Variants in ACSS3 observed in about 807,000 individuals in gnomAD.
The protein encoded by ACSS3 is acyl-CoA synthetase short chain family member 3, also known as acyl-CoA synthetase short-chain family member 3, mitochondrial.
In ACSS3, 64 loss-of-function variants were observed where a neutral mutation model predicts 84.2. That is an observed-to-expected ratio of 0.76 (90% CI 0.62 to 0.94). ACSS3 has a LOEUF of 0.94. Ranked by LOEUF, ACSS3 falls within the 40% of genes least tolerant of loss-of-function variation. ACSS3 has a pLI of 0.00. For synonymous variants in ACSS3, 317 were observed against 310.1 expected (o/e 1.02, Z -0.23); for missense variants, 815 against 867.6 (o/e 0.94, Z 0.76).
chr12:81,248,251 A>AC (rs902195939), intron 13 of ACSS3, among the ~76,000 whole-genome samples: 33 of 152,202 alleles, frequency 2.2e-4, no homozygotes, highest in African/African-American at 7.0e-4. Context: ...GGCTACATTT[A>AC]CCCCCATGTT....
chr12:81,228,136 G>A (rs961054980), intron 11 of ACSS3, among the ~76,000 whole-genome samples: 1 of 151,780 alleles, frequency 6.6e-6, no homozygotes, highest in Non-Finnish European at 1.5e-5. Context: ...TTTTAGGTTG[G>A]GCTTTTCATT....
At chr12:81,114,983 C>G (rs549421604) in intron 2 of ACSS3, among the ~76,000 whole-genome samples, 2 of 152,094 alleles carry the variant, frequency 1.3e-5, no homozygotes, top group Non-Finnish European at 2.9e-5. Context: ...GAACTTTATA[C>G]AAATTGAGTA....
intron 10 of ACSS3, among the ~76,000 whole-genome samples, chr12:81,217,479 C>A (rs2032963262): frequency 6.6e-6 from 1 of 152,160 alleles, no homozygotes; most frequent in African/African-American, 2.4e-5. Flanking sequence ...GCTGCAGTTT[C>A]TTACTGTATA....
chr12:81,254,717 C>T, intron 15 of ACSS3, 140 bp from the exon 16 acceptor site: 1 of 604,330 alleles, frequency 1.7e-6, no homozygotes, highest in Non-Finnish European at 2.7e-6. Context: ...ATATTAGGTT[C>T]AAAGTTCCCT....
chr12:81,142,208 A>G (rs1886126867), intron 4 of ACSS3, among the ~76,000 whole-genome samples: 1 of 152,194 alleles, frequency 6.6e-6, no homozygotes, highest in Admixed American at 6.5e-5. Flanking sequence ...ATTGAGTGTT[A>G]TATAACTTTG....
intron 9 of ACSS3, among the ~76,000 whole-genome samples, chr12:81,202,343 A>T (rs1358676454): frequency 6.6e-6 from 1 of 152,038 alleles, no homozygotes; most frequent in East Asian, 1.9e-4. Context: ...ATTCTTTCCT[A>T]AGGTGCTATC....
At chr12:81,200,184 G>A (rs2032036640) in intron 9 of ACSS3, among the ~76,000 whole-genome samples, 1 of 152,098 alleles carries the variant, frequency 6.6e-6, no homozygotes, top group Non-Finnish European at 1.5e-5. Context: ...TTTGAGGGAT[G>A]GCTATATATA....
Position 81,253,685 on chromosome 12 carries a change from A to T in ACSS3, c.1995+15A>T. 1.2e-6 allele frequency: 2 copies of T among 1,603,240 alleles called. No individual in the cohort carries two copies. The highest frequency in any genetic ancestry group is 1.7e-6 in the Non-Finnish European group (2 of 1,172,002). ...AGCCATACAAGGTAAATTATCAAAG[A>T]TATTTATTCCTGGGTTCTAAGATAT... On this transcript the variant is annotated intron_variant, in intron 15 of 15. Coordinates refer to ENST00000548058, the MANE Select transcript of ACSS3 (RefSeq NM_024560.4).
chr12:81,152,749 T>C (rs1007975167), intron 7 of ACSS3, among the ~76,000 whole-genome samples: 4 of 152,150 alleles, frequency 2.6e-5, no homozygotes, highest in African/African-American at 9.7e-5. Context: ...ATAACTAATA[T>C]GGTAGTTTGC....
rs1222966624 is a variant in ACSS3, at chr12:81,257,603, A to G, written c.*2681A>G. 1 of 152,108 alleles carries G rather than the reference A, an allele frequency of 6.6e-6. No homozygotes were observed. Among genetic ancestry groups the G allele is most frequent in the Non-Finnish European group, 1.5e-5 (1 of 68,012 alleles). 9.4% of individuals were successfully genotyped at this position (152,108 alleles called of 1,614,324 possible). ...GTTATAGTATTTTCCAATTCATTGA[A>G]TTACTTTGCTTGTGAAAATATATTA... On this transcript the variant is annotated 3_prime_UTR_variant, in exon 16 of 16. Coordinates refer to ENST00000548058, the MANE Select transcript of ACSS3 (RefSeq NM_024560.4).
At chr12:81,253,160 T>C in intron 13 of ACSS3, 147 bp from the exon 14 acceptor site, 1 of 731,700 alleles carries the variant, frequency 1.4e-6, no homozygotes, top group Non-Finnish European at 2.3e-6. Flanking sequence ...TAGGCAGCCA[T>C]GGATTTTTGG....
At chr12:81,171,911 G>T (rs1399195740) in intron 7 of ACSS3, among the ~76,000 whole-genome samples, 1 of 152,084 alleles carries the variant, frequency 6.6e-6, no homozygotes, top group Non-Finnish European at 1.5e-5. Flanking sequence ...ACATGTTATT[G>T]TGTTGAATAC....
At chr12:81,253,057 T>C (rs917253518) in intron 13 of ACSS3, among the ~76,000 whole-genome samples, 1 of 152,184 alleles carries the variant, frequency 6.6e-6, no homozygotes, top group Non-Finnish European at 1.5e-5. Flanking sequence ...GCTGAGCAAT[T>C]TATCTTAATT....
intron 5 of ACSS3, among the ~76,000 whole-genome samples, chr12:81,148,994 C>G (rs1489221731): frequency 1.3e-5 from 2 of 150,708 alleles, no homozygotes; most frequent in Non-Finnish European, 1.5e-5. Context: ...GCAGGAGAAT[C>G]GCTTGAACCT....
chr12:81,120,679 G>C (rs1884512483), intron 2 of ACSS3, among the ~76,000 whole-genome samples: 2 of 152,028 alleles, frequency 1.3e-5, no homozygotes, highest in South Asian at 4.2e-4. Flanking sequence ...TAATTCATTT[G>C]GAAGTTTTAT....
intron 13 of ACSS3, among the ~76,000 whole-genome samples, chr12:81,246,378 G>A (rs1226152908): frequency 6.6e-6 from 1 of 152,060 alleles, no homozygotes; most frequent in Non-Finnish European, 1.5e-5. Flanking sequence ...TGTTTTCCTG[G>A]GCCTCTGACC....
intron 2 of ACSS3, among the ~76,000 whole-genome samples, chr12:81,110,851 T>C (rs1384902786): frequency 6.6e-6 from 1 of 152,206 alleles, no homozygotes; most frequent in East Asian, 1.9e-4. Context: ...GCTTTTAAGA[T>C]TGTATTCTCT....
chr12:81,123,508 A>T (rs2400871), intron 2 of ACSS3, among the ~76,000 whole-genome samples: 1 of 151,884 alleles, frequency 6.6e-6, no homozygotes, highest in Non-Finnish European at 1.5e-5. Flanking sequence ...TTTTAGGTTT[A>T]GGGGGTACAT....
intron 13 of ACSS3, among the ~76,000 whole-genome samples, chr12:81,242,341 G>A (rs2033834806): frequency 6.6e-6 from 1 of 152,058 alleles, no homozygotes; most frequent in Admixed American, 6.6e-5. Context: ...ACCAATAACA[G>A]GAGCTGAAAT....
Sources: allele counts gnomAD v4.1 joint callset (sites outside exome capture counted in the v4.1 genomes callset), GRCh38; gene constraint gnomAD v4.1.1; transcripts MANE v1.5; gene names NCBI Gene and HGNC (gene_info 2026-07-23, HGNC 2026-07-21).